Variants in NBEA observed in about 807,000 individuals in gnomAD.
The protein encoded by NBEA is lysosomal-trafficking regulator 2.
Under a neutral mutation model 343.4 loss-of-function variants are expected in NBEA, and 44 were observed. That is an observed-to-expected ratio of 0.13 (90% CI 0.10 to 0.16). The LOEUF is 0.16. NBEA is among the 10% of genes least tolerant of loss of function. The probability of loss-of-function intolerance (pLI) is 1.00; values close to 1 mark genes in which losing one functional copy is unlikely to be tolerated. For synonymous variants in NBEA, 1,175 were observed against 1,238.7 expected, an observed-to-expected ratio of 0.95 and a Z score of 1.08; for missense variants, 2,555 against 3,631.3, an observed-to-expected ratio of 0.70 and a Z score of 7.62.
chr13:34,974,498 A>T (rs571259930), intron 1 of NBEA, among the ~76,000 whole-genome samples: 1 of 152,200 alleles, frequency 6.6e-6, no homozygotes, highest in Non-Finnish European at 1.5e-5. Flanking sequence ...GCCTCCAAAC[A>T]AGGAAAACTG....
chr13:35,181,994 C>T (rs17051906), intron 28 of NBEA, among the ~76,000 whole-genome samples: 6,654 of 151,456 alleles, frequency 0.044, 170 homozygotes, highest in South Asian at 0.078. Flanking sequence ...ATATAAAACC[C>T]TTGATTTTTT....
chr13:35,599,924 ATTAGT>A (rs1212038381), intron 47 of NBEA, among the ~76,000 whole-genome samples: 2 of 152,200 alleles, frequency 1.3e-5, no homozygotes, highest in Non-Finnish European at 1.5e-5. Context: ...AATACATCTG[ATTAGT>A]TTAGGTAATA....
At chr13:35,594,966 CACACACACACACACACACACACACAA>C (rs935684402) in intron 47 of NBEA, among the ~76,000 whole-genome samples, 3 of 150,678 alleles carry the variant, frequency 2.0e-5, no homozygotes, top group Non-Finnish European at 4.4e-5. Flanking sequence ...CACACACACA[CACACACACACACACACACACACACAA>C]ATTGGCTTTT....
rs143973139 is a variant in NBEA at position 35,069,518 on chromosome 13, A to G, written c.1240-390A>G. Among the ~76,000 whole-genome samples, 19 of 152,234 alleles carry G rather than the reference A, an allele frequency of 1.2e-4. No individual in the cohort carries two copies. In the East Asian group the frequency reaches 1.4e-3, roughly 11 times the overall value. On this transcript the variant is annotated intron_variant, in intron 8 of 58. Transcript: ENST00000379939. ...CCTCAAATGATAGTCATTTTTCTCT[A>G]TAAGTAATTCATGTGCCAGGCACTG...
intron 51 of NBEA, 37 bp downstream of exon 51, chr13:35,646,385 T>C (rs752745886): frequency 1.4e-6 from 2 of 1,478,822 alleles, no homozygotes; most frequent in Non-Finnish European, 1.9e-6. Flanking sequence ...TTTTTTTCTT[T>C]CCTTTTTACC....
At chr13:35,081,879 A>G (rs1052530159) in intron 10 of NBEA, among the ~76,000 whole-genome samples, 1 of 152,078 alleles carries the variant, frequency 6.6e-6, no homozygotes, top group Non-Finnish European at 1.5e-5. Flanking sequence ...GTATTTGATC[A>G]TCACCATCAC....
At chr13:35,488,381 GT>G (rs1357420405) in intron 41 of NBEA, among the ~76,000 whole-genome samples, 1 of 151,726 alleles carries the variant, frequency 6.6e-6, no homozygotes, top group African/African-American at 2.4e-5. Flanking sequence ...CCTAATATTA[GT>G]TTTTCATAGC....
At chr13:35,318,500 T>C (rs1387574120) in intron 36 of NBEA, among the ~76,000 whole-genome samples, 1 of 152,196 alleles carries the variant, frequency 6.6e-6, no homozygotes, top group East Asian at 1.9e-4. Context: ...GGATTCCGTT[T>C]GCCAGTATGT....
intron 30 of NBEA, among the ~76,000 whole-genome samples, chr13:35,194,503 C>T (rs1382659285): frequency 6.6e-6 from 1 of 152,028 alleles, no homozygotes; most frequent in African/African-American, 2.4e-5. Context: ...TTAGTCTGTG[C>T]TTCTCATTTT....
chr13:35,485,065 G>T (rs887905547), intron 41 of NBEA, among the ~76,000 whole-genome samples: 15 of 152,164 alleles, frequency 9.9e-5, no homozygotes, highest in Non-Finnish European at 2.1e-4. Context: ...TTGGTAAGAA[G>T]ATTTTGATTT....
At chr13:35,454,015 C>T (rs1309496063) in intron 40 of NBEA, among the ~76,000 whole-genome samples, 1 of 152,132 alleles carries the variant, frequency 6.6e-6, no homozygotes, top group African/African-American at 2.4e-5. Flanking sequence ...TGTCATTGAG[C>T]ATACCTGTTC....
chr13:35,495,712 A>C (rs534382450), intron 41 of NBEA, among the ~76,000 whole-genome samples: 2 of 152,182 alleles, frequency 1.3e-5, no homozygotes, highest in African/African-American at 4.8e-5. Flanking sequence ...AAAATTTCTT[A>C]GTGCACATGG....
intron 41 of NBEA, among the ~76,000 whole-genome samples, chr13:35,510,731 A>G (rs2152986377): frequency 6.6e-6 from 1 of 152,296 alleles, no homozygotes; most frequent in South Asian, 2.1e-4. Flanking sequence ...TTATGCTAGA[A>G]ACTTTCATGT....
chr13:35,426,948 G>A (rs1238627666), intron 38 of NBEA, among the ~76,000 whole-genome samples: 7 of 152,066 alleles, frequency 4.6e-5, no homozygotes, highest in South Asian at 2.1e-4. Flanking sequence ...TTCTGCATTC[G>A]TCACGTAGTT....
rs745515553 is a variant in NBEA at position 35,110,958 on chromosome 13, G to T, written c.1982G>T (p.Gly661Val). ...YWVINPADSSGITPKGLDGPR... is the reference protein window; with the variant it reads ...YWVINPADSSVITPKGLDGPR... ...GTTATTAATCCTGCTGACAGTAGTG[G>T]CATTACACCTAAAGGATTAGGTATG... The change falls in exon 13 of 59, where the codon GGC becomes GTC. Residue 661 changes from glycine to valine, a missense_variant. By Grantham distance (109) the Gly-to-Val change is moderately radical. Around this residue, in one of 21 missense-constraint regions of NBEA, gnomAD observed 360 missense variants for 519.1 expected, o/e 0.69. Transcript: ENST00000379939. The T allele has an allele frequency of 6.2e-7, 1 of 1,609,756 alleles. No homozygotes were observed. The highest frequency in any genetic ancestry group is 1.1e-5 in the South Asian group (1 of 90,714).
intron 38 of NBEA, among the ~76,000 whole-genome samples, chr13:35,395,780 T>G (rs573839296): frequency 6.9e-4 from 105 of 152,302 alleles, no homozygotes; most frequent in African/African-American, 2.5e-3. Flanking sequence ...ATTCCTATGA[T>G]TCTGTCAATT....
At chr13:35,354,391 G>A (rs1290539492) in intron 38 of NBEA, among the ~76,000 whole-genome samples, 1 of 152,086 alleles carries the variant, frequency 6.6e-6, no homozygotes, top group Non-Finnish European at 1.5e-5. Flanking sequence ...TACATGGTTT[G>A]GGTTTTAATT....
chr13:35,246,195 A>G (rs1426527097), intron 34 of NBEA, among the ~76,000 whole-genome samples: 10 of 152,100 alleles, frequency 6.6e-5, no homozygotes, highest in Non-Finnish European at 1.0e-4. Context: ...CATATCTTAT[A>G]TCACTTTTTC....
At chr13:35,230,755 A>G (rs2074923601) in intron 33 of NBEA, among the ~76,000 whole-genome samples, 1 of 151,832 alleles carries the variant, frequency 6.6e-6, no homozygotes, top group African/African-American at 2.4e-5. Flanking sequence ...CTTCTTTGTT[A>G]ATTCTTTCTA....
Sources: gnomAD v4.1 joint callset for allele counts (sites outside exome capture counted in the v4.1 genomes callset) on GRCh38, gnomAD v4.1.1 for gene constraint, gnomAD v4.1.1 regional missense constraint, MANE v1.5 for transcripts, NCBI Gene and HGNC (gene_info 2026-07-23, HGNC 2026-07-21) for gene names.